Variants in SMG6 observed in about 807,000 individuals in gnomAD.
SMG6 encodes SMG6 nonsense mediated mRNA decay factor.
A neutral mutation model predicts 142.2 loss-of-function variants in SMG6; 66 were observed. The observed-to-expected ratio is 0.46, with a 90% CI of 0.38 to 0.57. The LOEUF (loss-of-function observed/expected upper bound fraction) is 0.57, where lower values mean the gene tolerates loss of function less well. Ranked by LOEUF, SMG6 falls within the 20% of genes least tolerant of loss-of-function variation. SMG6 has a pLI of 0.00. For missense variants in SMG6, 1,793 were observed against 1,832.0 expected, an observed-to-expected ratio of 0.98 and a Z score of 0.39; for synonymous variants, 779 against 702.4, an observed-to-expected ratio of 1.11 and a Z score of -1.72.
chr17:2,121,376 GC>G (rs1567613913), intron 13 of SMG6, among the ~76,000 whole-genome samples: 1 of 152,032 alleles, frequency 6.6e-6, no homozygotes, highest in Admixed American at 6.5e-5. Flanking sequence ...AAAAGATTAA[GC>G]TAAATGAAAA....
intron 10 of SMG6, among the ~76,000 whole-genome samples, chr17:2,196,085 C>A (rs762014822): frequency 3.3e-5 from 5 of 152,104 alleles, no homozygotes; most frequent in Non-Finnish European, 5.9e-5. Context: ...TCTAACAGAA[C>A]GTACGGAAAC....
In SMG6 at chr17:2,092,019, C is replaced by T. The variant is rs547091462; in HGVS notation, c.3358-6118G>A. 9.0e-4 allele frequency among the ~76,000 whole-genome samples: 135 copies of T among 150,770 alleles called. 1 individual carries two copies. Among genetic ancestry groups the T allele is most frequent in the African/African-American group, 3.2e-3 (129 of 40,950 alleles). On this transcript the variant is annotated intron_variant, in intron 13 of 18. Coordinates refer to ENST00000263073, the MANE Select transcript of SMG6 (RefSeq NM_017575.5). The stretch of plus-strand genomic sequence containing the variant: ...TTTTTTTTTGAGACAGAGTCTTGCT[C>T]AGTCACCCAAGCTGGAGTTGCACTG...
chr17:2,104,995 C>T (rs1321134742), intron 13 of SMG6, among the ~76,000 whole-genome samples: 1 of 151,890 alleles, frequency 6.6e-6, no homozygotes, highest in Non-Finnish European at 1.5e-5. Flanking sequence ...TGGCTCACTG[C>T]AGCCTCAACC....
chr17:2,261,331 A>T (rs891090775), intron 8 of SMG6, among the ~76,000 whole-genome samples: 1 of 151,540 alleles, frequency 6.6e-6, no homozygotes, highest in African/African-American at 2.4e-5. Flanking sequence ...AAAAAAGGGA[A>T]GAGAAGAATG....
At chr17:2,130,137 G>GT (rs560017872) in intron 13 of SMG6, among the ~76,000 whole-genome samples, 3,950 of 151,600 alleles carry the variant, frequency 0.026, 72 homozygotes, top group South Asian at 0.064. Flanking sequence ...GCGGGCGCCT[G>GT]TAGTCCCAGC....
chr17:2,105,658 G>T (rs1187994351), intron 13 of SMG6, among the ~76,000 whole-genome samples: 2 of 152,184 alleles, frequency 1.3e-5, no homozygotes, highest in Non-Finnish European at 2.9e-5. Flanking sequence ...AACACAAATT[G>T]AATGGGTGCT....
intron 8 of SMG6, among the ~76,000 whole-genome samples, chr17:2,271,698 G>C (rs905390299): frequency 6.6e-6 from 1 of 152,062 alleles, no homozygotes; most frequent in African/African-American, 2.4e-5. Context: ...CTAGGAAACA[G>C]AGCAAGACTC....
chr17:2,245,677 AC>A (rs1366790611), intron 8 of SMG6, among the ~76,000 whole-genome samples: 3 of 151,826 alleles, frequency 2.0e-5, no homozygotes, highest in Non-Finnish European at 4.4e-5. Context: ...GAGCCACTGC[AC>A]CCAGCATGTT....
rs138212055 is a variant in SMG6 at position 2,299,929 on chromosome 17, T to A, written c.824A>T (p.Asp275Val). 6.2e-7 allele frequency: 1 copy of A among 1,614,048 alleles called. No individual in the cohort carries two copies. The highest frequency in any genetic ancestry group is 1.3e-5 in the African/African-American group (1 of 74,932). The change falls in exon 2 of 19, where the codon GAT (aspartate) becomes GTT (valine). Residue 275 changes from aspartate (D) to valine (V), a missense_variant. Physicochemically the swap from Asp to Val is radical, Grantham distance 152 (BLOSUM62 -3). Transcript: ENST00000263073. This position sits in a 1 kb window ranked among gnomAD's most constrained non-coding sequence, Gnocchi z 4.3. ...NNSAEGAGLT[D>V]NGCRRRRQDR... ...CTGTCGGCGGCGGCGACATCCATTA[T>A]CCGTCAGGCCAGCTCCCTCAGCGCT... is the stretch of plus-strand genomic sequence containing the variant.
chr17:2,298,914 C>T lies in SMG6; in HGVS notation c.1839G>A (p.Ala613=), dbSNP rs769624230. The T allele has an allele frequency of 7.4e-6, 12 of 1,612,270 alleles. No individual in the cohort carries two copies. The highest frequency in any genetic ancestry group is 3.3e-5 in the Admixed American group (2 of 59,892). ...RISPEGLEKM[A]QLRAELLQLY... is the part of the protein sequence containing the mutation. ...AATAGACCACATCATACCTGAGTTG[C>T]GCCATCTTCTCCAGGCCCTCCGGAC... Residue 613 remains alanine, a synonymous_variant, in exon 2 of 19, where the codon GCG becomes GCA. Transcript: ENST00000263073.
chr17:2,086,999 G>A, intron 13 of SMG6: 3 of 1,288,120 alleles, frequency 2.3e-6, no homozygotes, highest in Non-Finnish European at 3.0e-6. Flanking sequence ...CTCTTTTAAT[G>A]CATCCTCGTT....
chr17:2,129,118 C>T (rs1055226833), intron 13 of SMG6, among the ~76,000 whole-genome samples: 2 of 152,042 alleles, frequency 1.3e-5, no homozygotes, highest in African/African-American at 4.8e-5. Flanking sequence ...GAAGCCAAGG[C>T]AGGCGGATCG....
At chr17:2,272,871 G>A (rs1295013669) in intron 8 of SMG6, among the ~76,000 whole-genome samples, 1 of 151,970 alleles carries the variant, frequency 6.6e-6, no homozygotes, top group Non-Finnish European at 1.5e-5. Context: ...CCAGGAGGCG[G>A]AGGAGCTGAG....
intron 10 of SMG6, among the ~76,000 whole-genome samples, chr17:2,235,427 C>G (rs1433073623): frequency 2.0e-5 from 3 of 152,164 alleles, no homozygotes. Context: ...TTCACTCCCC[C>G]ACCACAACCA....
chr17:2,103,842 G>A (rs1015885565), intron 13 of SMG6, among the ~76,000 whole-genome samples: 7 of 152,174 alleles, frequency 4.6e-5, no homozygotes, highest in African/African-American at 1.4e-4. Context: ...CTTAATAAGA[G>A]CCTTGGTGCA....
intron 12 of SMG6, among the ~76,000 whole-genome samples, chr17:2,174,587 A>G (rs1327261919): frequency 6.6e-6 from 1 of 152,144 alleles, no homozygotes; most frequent in Non-Finnish European, 1.5e-5. Context: ...AACGGCACAT[A>G]ATCAACACAC....
chr17:2,097,180 G>T (rs1225346723), intron 13 of SMG6, among the ~76,000 whole-genome samples: 1 of 150,446 alleles, frequency 6.6e-6, no homozygotes, highest in African/African-American at 2.5e-5. Context: ...TTTAGACAGG[G>T]TCTCTCTCTG....
At chr17:2,107,057 T>C (rs917514485) in intron 13 of SMG6, among the ~76,000 whole-genome samples, 1 of 152,128 alleles carries the variant, frequency 6.6e-6, no homozygotes, top group Admixed American at 6.6e-5. Context: ...TAGCCTGACA[T>C]GTTGGTCATG....
chr17:2,206,295 G>GCT (rs2072678881), intron 10 of SMG6, among the ~76,000 whole-genome samples: 1 of 152,098 alleles, frequency 6.6e-6, no homozygotes, highest in Non-Finnish European at 1.5e-5. Context: ...GTTTTAAGAA[G>GCT]CTCTATAGGC....
Sources: gnomAD v4.1 joint callset for allele counts (sites outside exome capture counted in the v4.1 genomes callset) on GRCh38, gnomAD v4.1.1 for gene constraint, Gnocchi (gnomAD v3.1) non-coding constraint, MANE v1.5 for transcripts, NCBI Gene and HGNC (gene_info 2026-07-23, HGNC 2026-07-21) for gene names.